The following HPSE2 variants were observed in gnomAD, a reference collection of about 807,000 sequenced individuals.
HPSE2 encodes heparanase 2 (inactive), also known as inactive heparanase-2.
Under a neutral mutation model 60.5 loss-of-function variants are expected in HPSE2, and 38 were observed. That is an observed-to-expected ratio of 0.63 (90% CI 0.48 to 0.82). The LOEUF (loss-of-function observed/expected upper bound fraction) is 0.82, where lower values mean the gene tolerates loss of function less well. Ranked by LOEUF, HPSE2 falls within the 40% of genes least tolerant of loss-of-function variation. The pLI, the probability that HPSE2 is intolerant of heterozygous loss-of-function variation, is 0.00. For missense variants in HPSE2, 713 were observed against 740.4 expected (o/e 0.96, Z 0.43); for synonymous variants, 295 against 293.2 (o/e 1.01, Z -0.06).
Position 98,804,038 on chromosome 10 carries a change from G to A in HPSE2, c.611-59982C>T, listed in dbSNP as rs371160411. Among the ~76,000 whole-genome samples the A allele has an allele frequency of 6.0e-3, 898 of 150,892 alleles. 8 individuals are homozygous for A. Among genetic ancestry groups the A allele is most frequent in the African/African-American group, 0.018 (741 of 41,152 alleles). ...AGTTCTCCTTGAAGAGGTCCTTCAC[G>A]TCCCTTGTAAGTTGGATTCCTAGGT... On this transcript the variant is annotated intron_variant, in intron 3 of 11. Transcript: ENST00000370552.
At position 98,625,592 on chromosome 10, in the gene HPSE2, T is replaced by A. The variant is rs147536827; in HGVS notation, c.1099-4884A>T. 2.1e-4 allele frequency among the ~76,000 whole-genome samples: 32 copies of A among 152,278 alleles called. 1 individual carries two copies. In the East Asian group the frequency reaches 6.2e-3, roughly 29 times the overall value. On this transcript the variant is annotated intron_variant, in intron 7 of 11. Transcript: ENST00000370552. ...GGATGTTTGCTGTAAGTACAATAAG[T>A]CTTCACTTAAAGTCATCAATAGGTC...
intron 6 of HPSE2, among the ~76,000 whole-genome samples, chr10:98,683,838 C>T (rs768311208): frequency 1.2e-4 from 18 of 151,754 alleles, no homozygotes; most frequent in South Asian, 4.2e-4. Flanking sequence ...ACATACCTAG[C>T]GAACAGAATA....
At chr10:98,839,826 AAAAAG>A (rs1351797093) in intron 3 of HPSE2, among the ~76,000 whole-genome samples, 1 of 152,122 alleles carries the variant, frequency 6.6e-6, no homozygotes, top group South Asian at 2.1e-4. Context: ...CAGGATTCAC[AAAAAG>A]AAAGGCTTAG....
intron 3 of HPSE2, among the ~76,000 whole-genome samples, chr10:99,040,186 C>T (rs757145699): frequency 6.6e-6 from 1 of 152,128 alleles, no homozygotes; most frequent in South Asian, 2.1e-4. Context: ...AGGCATCTTT[C>T]CATATCAGCA....
At chr10:99,282,605 C>T in the HPSE2 span, among the ~76,000 whole-genome samples, 1 of 152,128 alleles carries the variant, frequency 6.6e-6, no homozygotes, top group Admixed American at 6.5e-5. Flanking sequence ...CCTGGACAGA[C>T]TGTAAGTTAA....
intron 3 of HPSE2, chr10:99,047,592 T>A: frequency 3.2e-6 from 2 of 619,092 alleles, no homozygotes; most frequent in South Asian, 3.9e-5. Flanking sequence ...ATAGCCAGAA[T>A]CTATAAGGGA....
intron 3 of HPSE2, among the ~76,000 whole-genome samples, chr10:99,067,288 G>C (rs1273241905): frequency 1.3e-5 from 2 of 152,118 alleles, no homozygotes; most frequent in African/African-American, 4.8e-5. Context: ...ACCATTCTGG[G>C]GTCTGGAGGA....
At chr10:98,983,638 C>A (rs1286796994) in intron 3 of HPSE2, among the ~76,000 whole-genome samples, 1 of 152,170 alleles carries the variant, frequency 6.6e-6, no homozygotes, top group Non-Finnish European at 1.5e-5. Flanking sequence ...GGTTGGGGGT[C>A]TTTTGTGGCT....
intron 3 of HPSE2, among the ~76,000 whole-genome samples, chr10:98,878,698 T>C (rs978562337): frequency 6.6e-6 from 1 of 151,982 alleles, no homozygotes; most frequent in African/African-American, 2.4e-5. Context: ...AAGAATGTGA[T>C]GCTTTATCAT....
At position 99,018,008 on chromosome 10, in the gene HPSE2, T is replaced by C. The variant is rs571838208; in HGVS notation, c.610+126230A>G. 3.9e-5 allele frequency among the ~76,000 whole-genome samples: 6 copies of C among 152,270 alleles called. No individual in the cohort carries two copies. The South Asian group carries it at 1.0e-3, about 26-fold the overall frequency. On this transcript the variant is annotated intron_variant, in intron 3 of 11. Coordinates refer to ENST00000370552, the MANE Select transcript of HPSE2 (RefSeq NM_021828.5). Reference sequence around the variant, plus strand: ...TAATAAAGAGGAAAAGTAAAAGCAATATGTACCTACTTAAGAGCTTCCCTG... The same window carrying C: ...TAATAAAGAGGAAAAGTAAAAGCAACATGTACCTACTTAAGAGCTTCCCTG...
chr10:99,177,104 G>A (rs1452662672), intron 2 of HPSE2, among the ~76,000 whole-genome samples: 3 of 151,904 alleles, frequency 2.0e-5, no homozygotes, highest in East Asian at 1.9e-4. Flanking sequence ...TTTGCCTTAC[G>A]AGAGCTCCTG....
chr10:99,173,208 C>T (rs1382270661), intron 2 of HPSE2, among the ~76,000 whole-genome samples: 1 of 152,112 alleles, frequency 6.6e-6, no homozygotes, highest in African/African-American at 2.4e-5. Flanking sequence ...CTACTGAAGT[C>T]TGTTCACTAG....
intron 3 of HPSE2, among the ~76,000 whole-genome samples, chr10:99,081,210 A>G (rs1193548428): frequency 6.6e-6 from 1 of 152,250 alleles, no homozygotes; most frequent in Non-Finnish European, 1.5e-5. Flanking sequence ...TTGTTCTGGT[A>G]AGAAAGAAAT....
In HPSE2 at chr10:99,014,376, T is replaced by C. The variant is rs187412207; in HGVS notation, c.610+129862A>G. Among the ~76,000 whole-genome samples the C allele has an allele frequency of 4.1e-4, 63 of 152,340 alleles. 1 individual carries two copies. The highest frequency in any genetic ancestry group is 1.8e-3 in the Admixed American group (27 of 15,312). Reference sequence around the variant, plus strand: ...ATCATTCATGGCCACTTAGGTTGATTCCATGTCTTTGCTATTGTGAATAGT... The same window carrying C: ...ATCATTCATGGCCACTTAGGTTGATCCCATGTCTTTGCTATTGTGAATAGT... On this transcript the variant is annotated intron_variant, in intron 3 of 11. Coordinates refer to ENST00000370552, the MANE Select transcript of HPSE2 (RefSeq NM_021828.5).
At chr10:98,686,787 C>T (rs1947927984) in intron 6 of HPSE2, among the ~76,000 whole-genome samples, 1 of 152,020 alleles carries the variant, frequency 6.6e-6, no homozygotes, top group South Asian at 2.1e-4. Context: ...CATCCCAAAC[C>T]ATACTCTGCA....
chr10:98,676,786 T>G (rs1415524160), intron 6 of HPSE2, among the ~76,000 whole-genome samples: 1 of 152,134 alleles, frequency 6.6e-6, no homozygotes, highest in East Asian at 1.9e-4. Context: ...AAAGTTCACT[T>G]TTTTGCTCTC....
chr10:98,727,034 T>C (rs988924776), intron 4 of HPSE2, among the ~76,000 whole-genome samples: 6 of 152,112 alleles, frequency 3.9e-5, no homozygotes, highest in East Asian at 1.9e-4. Flanking sequence ...TTAAGCTATG[T>C]TGACTCAAGT....
intron 9 of HPSE2, among the ~76,000 whole-genome samples, chr10:98,556,163 G>A (rs748289904): frequency 1.2e-4 from 19 of 152,280 alleles, no homozygotes; most frequent in Middle Eastern, 6.8e-3. Flanking sequence ...ACCAGATAGC[G>A]ACACAGAGTC....
At chr10:98,960,927 T>G (rs1055833212) in intron 3 of HPSE2, among the ~76,000 whole-genome samples, 2 of 93,134 alleles carry the variant, frequency 2.1e-5, no homozygotes, top group Admixed American at 1.4e-4. Context: ...GAGTGTGATA[T>G]TCCCCTTCCT....
Sources: allele counts gnomAD v4.1 joint callset (sites outside exome capture counted in the v4.1 genomes callset), GRCh38; gene constraint gnomAD v4.1.1; transcripts MANE v1.5; gene names NCBI Gene and HGNC (gene_info 2026-07-23, HGNC 2026-07-21).